Variants in NLRP13 observed in about 807,000 individuals in gnomAD.
The protein encoded by NLRP13 is NLR family pyrin domain containing 13, also known as NACHT, LRR and PYD domains-containing protein 13.
In NLRP13, 82 loss-of-function variants were observed where a neutral mutation model predicts 94.4. The ratio of observed to expected loss-of-function variants is 0.87; its 90% CI spans 0.73 to 1.04. The LOEUF is 1.04. Ranked by LOEUF, NLRP13 falls within the 50% of genes least tolerant of loss-of-function variation. The probability of loss-of-function intolerance (pLI) is 0.00; values close to 1 mark genes in which losing one functional copy is unlikely to be tolerated. For synonymous variants in NLRP13, 553 were observed against 464.7 expected (o/e 1.19, Z -2.45); for missense variants, 1,426 against 1,230.8 (o/e 1.16, Z -2.37).
At chr19:55,900,244 TAAAAA>T (rs34584135) in intron 9 of NLRP13, among the ~76,000 whole-genome samples, 2 of 151,726 alleles carry the variant, frequency 1.3e-5, no homozygotes, top group Admixed American at 1.3e-4. Context: ...TGAAACAGGT[TAAAAA>T]AAAAATCAGC....
intron 1 of NLRP13, among the ~76,000 whole-genome samples, chr19:55,927,516 TAG>T (rs1446643519): frequency 4.7e-5 from 7 of 150,216 alleles, no homozygotes; most frequent in African/African-American, 1.7e-4. Context: ...AAGCCTGAAA[TAG>T]ATTCTTCCAC....
intron 10 of NLRP13, 105 bp from the exon 11 acceptor site, chr19:55,896,224 G>T (rs536970834): frequency 2.3e-6 from 3 of 1,285,238 alleles, no homozygotes; most frequent in East Asian, 4.7e-5. Context: ...AAAGCAGACT[G>T]CTTAAGAGTG....
chr19:55,921,300 G>C (rs1986819576), intron 4 of NLRP13, among the ~76,000 whole-genome samples: 1 of 152,044 alleles, frequency 6.6e-6, no homozygotes, highest in Admixed American at 6.6e-5. Flanking sequence ...CAAATATTTG[G>C]AAGAATTTTT....
intron 7 of NLRP13, 79 bp downstream of exon 7, chr19:55,907,713 T>G: frequency 1.5e-6 from 2 of 1,360,170 alleles, no homozygotes; most frequent in South Asian, 2.4e-5. Context: ...CTGAGTGCTG[T>G]CAGCCCTCCC....
chr19:55,924,692 A>G (rs966201924), intron 2 of NLRP13, 34 bp from the exon 3 acceptor site: 1 of 1,579,218 alleles, frequency 6.3e-7, no homozygotes, highest in African/African-American at 1.3e-5. Context: ...ATATGAAAAT[A>G]CCCCAGAGTG....
downstream of NLRP13, among the ~76,000 whole-genome samples, chr19:55,894,736 A>G (rs999767830): frequency 6.6e-6 from 1 of 152,220 alleles, no homozygotes; most frequent in Non-Finnish European, 1.5e-5. Flanking sequence ...GACAAGGCTC[A>G]TGTCCGTTTG....
downstream of NLRP13, chr19:55,895,819 G>A: frequency 9.8e-7 from 1 of 1,023,384 alleles, no homozygotes; most frequent in South Asian, 1.5e-5. Flanking sequence ...CACCCTTACT[G>A]GAAGTTCCGT....
At chr19:55,911,637 A>C (rs769328234) in intron 5 of NLRP13, 69 bp downstream of exon 5, 4 of 1,409,690 alleles carry the variant, frequency 2.8e-6, no homozygotes, top group Non-Finnish European at 1.9e-6. Flanking sequence ...CTGGTTTTGC[A>C]TGAAAGAATT....
At chr19:55,918,498 A>G (rs951407588) in intron 4 of NLRP13, among the ~76,000 whole-genome samples, 10 of 152,046 alleles carry the variant, frequency 6.6e-5, no homozygotes, top group Non-Finnish European at 1.3e-4. Context: ...CTAACTAATG[A>G]AAGAAGAGAA....
intron 8 of NLRP13, among the ~76,000 whole-genome samples, chr19:55,904,031 C>A (rs1309085628): frequency 6.6e-6 from 1 of 152,186 alleles, no homozygotes; most frequent in African/African-American, 2.4e-5. Context: ...CCATCTCCTA[C>A]CACTATCACC....
At chr19:55,920,793 T>G (rs755350921) in intron 4 of NLRP13, among the ~76,000 whole-genome samples, 1 of 152,178 alleles carries the variant, frequency 6.6e-6, no homozygotes, top group African/African-American at 2.4e-5. Context: ...TAAAGATACC[T>G]GCACTCCTGT....
intron 4 of NLRP13, among the ~76,000 whole-genome samples, chr19:55,922,185 T>G (rs1986846339): frequency 6.6e-6 from 1 of 152,022 alleles, no homozygotes; most frequent in Non-Finnish European, 1.5e-5. Context: ...CATGAATCAG[T>G]TACCTCCCAC....
chr19:55,898,226 T>TTG (rs1986069328), intron 10 of NLRP13, among the ~76,000 whole-genome samples: 1 of 131,226 alleles, frequency 7.6e-6, no homozygotes, highest in African/African-American at 2.8e-5. Flanking sequence ...TTTTTTTTTT[T>TTG]GAGATGGAGT....
At chr19:55,896,383 A>T (rs1316931878) in intron 10 of NLRP13, among the ~76,000 whole-genome samples, 3 of 151,710 alleles carry the variant, frequency 2.0e-5, no homozygotes, top group Non-Finnish European at 4.4e-5. Flanking sequence ...TTAGCCAGGC[A>T]TGTTGGCATG....
chr19:55,931,724 A>AGAAAGACAGAAAGAAAGAC (rs1568449426), intron 1 of NLRP13, among the ~76,000 whole-genome samples: 52 of 137,120 alleles, frequency 3.8e-4, no homozygotes, highest in African/African-American at 1.3e-3. Flanking sequence ...AAAAAAAAAA[A>AGAAAGACAGAAAGAAAGAC]AGAAAGAAAG....
At chr19:55,924,535 G>A in intron 3 of NLRP13, 55 bp downstream of exon 3, 1 of 1,283,562 alleles carries the variant, frequency 7.8e-7, no homozygotes, top group Non-Finnish European at 1.1e-6. Flanking sequence ...GTGGACCAAT[G>A]AAACGAGTGT....
chr19:55,919,422 A>C (rs1205658121), intron 4 of NLRP13, among the ~76,000 whole-genome samples: 3 of 152,074 alleles, frequency 2.0e-5, no homozygotes, highest in Non-Finnish European at 2.9e-5. Context: ...TGTAAAGAAG[A>C]AGCCAAATTA....
chr19:55,919,871 C>T (rs1986770693), intron 4 of NLRP13, among the ~76,000 whole-genome samples: 1 of 151,970 alleles, frequency 6.6e-6, no homozygotes, highest in Non-Finnish European at 1.5e-5. Flanking sequence ...CCCTAATAGC[C>T]AAAACAATCA....
chr19:55,905,222 A>G, intron 7 of NLRP13, 110 bp from the exon 8 acceptor site: 3 of 1,174,838 alleles, frequency 2.6e-6, no homozygotes, highest in Non-Finnish European at 3.6e-6. Flanking sequence ...GGAAGATTAA[A>G]TTGGAGAAAG....
Sources: allele counts gnomAD v4.1 joint callset (sites outside exome capture counted in the v4.1 genomes callset), GRCh38; gene constraint gnomAD v4.1.1; transcripts MANE v1.5; gene names NCBI Gene and HGNC (gene_info 2026-07-23, HGNC 2026-07-21).